ZC3H4: variants seen among roughly 807,000 people sequenced by gnomAD.
The protein encoded by ZC3H4 is zinc finger CCCH domain-containing protein 4.
Under a neutral mutation model 108.3 loss-of-function variants are expected in ZC3H4, and 13 were observed. The ratio of observed to expected loss-of-function variants is 0.12; its 90% CI spans 0.08 to 0.19. ZC3H4 has a LOEUF of 0.19. Among genes scored for constraint, ZC3H4 ranks in the 10% least tolerant of loss-of-function variants. The pLI is 1.00. For synonymous variants in ZC3H4, 917 were observed against 749.6 expected, an observed-to-expected ratio of 1.22 and a Z score of -3.65; for missense variants, 1,734 against 1,838.8, an observed-to-expected ratio of 0.94 and a Z score of 1.04.
At chr19:47,084,240 A>G (rs1201565425) in intron 9 of ZC3H4, 105 bp downstream of exon 9, 4 of 1,061,652 alleles carry the variant, frequency 3.8e-6, no homozygotes, top group Non-Finnish European at 5.7e-6. Flanking sequence ...AGGACTACAC[A>G]GTCACTCCCA....
Position 47,065,352 on chromosome 19 carries a change from CAG to C in ZC3H4, c.*1002_*1003del, listed in dbSNP as rs1381621950. The stretch of plus-strand genomic sequence containing the variant: ...ACAGTGTAAGGAGGTGCGAGGAAAA[CAG>C]AGAACACTTGGCCAGGAGCCACCCC... On this transcript the variant is annotated 3_prime_UTR_variant, in exon 15 of 15. Transcript: ENST00000253048. 2.0e-5 allele frequency: 3 copies of C among 152,796 alleles called. No homozygotes were observed. The highest frequency in any genetic ancestry group is 1.9e-4 in the East Asian group (1 of 5,202). 9.5% of individuals were successfully genotyped at this position (152,796 alleles called of 1,614,324 possible).
At chr19:47,086,914 T>C (rs2057638941) in intron 5 of ZC3H4, among the ~76,000 whole-genome samples, 1 of 152,076 alleles carries the variant, frequency 6.6e-6, no homozygotes, top group South Asian at 2.1e-4. Context: ...AAGCTAGCCC[T>C]GTAGTTTGGA....
At position 47,094,425 on chromosome 19, in the gene ZC3H4, T is replaced by G; in HGVS notation, c.345A>C (p.Lys115Asn). The G allele has an allele frequency of 6.2e-7, 1 of 1,614,160 alleles. No homozygotes were observed. The change falls in exon 3 of 15, where the codon AAA becomes AAC. Residue 115 changes from lysine to asparagine, a missense_variant. Lys to Asn is a moderately conservative substitution (Grantham distance 94). Transcript: ENST00000253048. ...ATTTCCTCCTCTTCTTCGACCTCCT[T>G]TTCTCTTTCTCCCGCTCTTTCTTCC... ...RKRKKEREKE[K>N]RRSKKRRKSK...
chr19:47,072,245 G>C lies in ZC3H4; in HGVS notation c.1802+107C>G. 7 of 1,398,036 alleles carry C rather than the reference G, an allele frequency of 5.0e-6. 1 individual carries two copies. In the South Asian group the frequency reaches 5.4e-5, roughly 11 times the overall value. The allele number at this position is 1,398,036 out of a possible 1,614,324, so 86.6% of individuals were successfully genotyped here. On this transcript the variant is annotated intron_variant, in intron 12 of 14. Transcript: ENST00000253048. The surrounding 1 kb of genome is among the most constrained non-coding windows in gnomAD (Gnocchi z 5.6). ...GCCCCAGACCAGGACTCCCACAGCT[G>C]GGGAGAGAGGCAGGACTCTCCCACA...
chr19:47,099,366 G>A (rs1473156432), intron 2 of ZC3H4, among the ~76,000 whole-genome samples: 2 of 151,940 alleles, frequency 1.3e-5, no homozygotes, highest in Non-Finnish European at 2.9e-5. Context: ...GGCTGAGGCA[G>A]GAGAATCACT....
At chr19:47,074,186 G>T (rs2057378565) in intron 11 of ZC3H4, among the ~76,000 whole-genome samples, 2 of 152,174 alleles carry the variant, frequency 1.3e-5, no homozygotes, top group South Asian at 4.1e-4. Flanking sequence ...TCACTCAACT[G>T]TTGAGGTCCC....
intron 9 of ZC3H4, 24 bp from the exon 10 acceptor site, chr19:47,082,319 T>A: frequency 6.4e-7 from 1 of 1,565,780 alleles, no homozygotes; most frequent in Non-Finnish European, 8.8e-7. Flanking sequence ...AACAAAAACA[T>A]AAGGTGGTGG....
Position 47,080,662 on chromosome 19 carries a change from A to AT in ZC3H4, c.1440+850dup, listed in dbSNP as rs67141668. Among the ~76,000 whole-genome samples, 929 of 141,884 alleles carry AT rather than the reference A, an allele frequency of 6.5e-3. 4 individuals are homozygous for AT. Among genetic ancestry groups the AT allele is most frequent in the South Asian group, 0.033 (150 of 4,524 alleles). The allele number at this position is 141,884 out of a possible 152,430, so 93.1% of individuals were successfully genotyped here. On this transcript the variant is annotated intron_variant, in intron 11 of 14. Coordinates refer to ENST00000253048, the MANE Select transcript of ZC3H4 (RefSeq NM_015168.2). ...AGGCATGTGCCACAATACCTGGCTA[A>AT]TTTTTTTTTTTTTTTTGAGACACAG...
intron 4 of ZC3H4, 141 bp from the exon 5 acceptor site, chr19:47,090,330 C>T: frequency 2.3e-6 from 2 of 884,474 alleles, no homozygotes; most frequent in Non-Finnish European, 3.5e-6. Flanking sequence ...TGGTCTCCAG[C>T]CCCTCTGGGG....
chr19:47,099,113 G>A (rs1262073907), intron 2 of ZC3H4, among the ~76,000 whole-genome samples: 3 of 152,166 alleles, frequency 2.0e-5, no homozygotes, highest in Non-Finnish European at 4.4e-5. Context: ...ATCTCTCCAC[G>A]GAAAGCCCTA....
chr19:47,096,341 G>A (rs115368887), intron 2 of ZC3H4, among the ~76,000 whole-genome samples: 1,818 of 152,354 alleles, frequency 0.012, 42 homozygotes, highest in African/African-American at 0.042. Context: ...GGAATGGGGC[G>A]GGGGTGCAGG....
intron 2 of ZC3H4, among the ~76,000 whole-genome samples, chr19:47,104,519 A>T (rs1024584935): frequency 1.3e-5 from 2 of 152,202 alleles, no homozygotes; most frequent in East Asian, 3.9e-4. Flanking sequence ...CAGCTCTCAT[A>T]CCCTTTTGGT....
At chr19:47,082,052 G>T (rs2057534190) in intron 10 of ZC3H4, 132 bp downstream of exon 10, 1 of 790,550 alleles carries the variant, frequency 1.3e-6, no homozygotes, top group Non-Finnish European at 2.2e-6. Flanking sequence ...TGTTAAATGA[G>T]ATGGAGACTC....
In ZC3H4 at chr19:47,092,053, A is replaced by G. The variant is rs142470822; in HGVS notation, c.493-1864T>C. Among the ~76,000 whole-genome samples the G allele has an allele frequency of 2.0e-5, 3 of 152,098 alleles. No individual in the cohort carries two copies. In the East Asian group the frequency reaches 5.8e-4, roughly 29 times the overall value. ...TTGAAACCCCATCTCTACCAAAAGT[A>G]CAAAAATTAGCCTTGGCGTTATGGC... On this transcript the variant is annotated intron_variant, in intron 4 of 14. Transcript: ENST00000253048.
intron 1 of ZC3H4, among the ~76,000 whole-genome samples, 152 bp from the exon 2 acceptor site, chr19:47,112,741 A>G (rs1000892307): frequency 6.6e-6 from 1 of 152,134 alleles, no homozygotes; most frequent in Non-Finnish European, 1.5e-5. Flanking sequence ...CGTAGGCCGC[A>G]CGGCCTAGGC....
At chr19:47,092,713 A>G (rs2057755385) in intron 4 of ZC3H4, among the ~76,000 whole-genome samples, 1 of 152,120 alleles carries the variant, frequency 6.6e-6, no homozygotes, top group Non-Finnish European at 1.5e-5. Context: ...GCTACTCGGG[A>G]GGCTGAGACA....
intron 2 of ZC3H4, chr19:47,096,747 C>T (rs2057827592): frequency 1.1e-6 from 1 of 950,962 alleles, no homozygotes; most frequent in African/African-American, 1.8e-5. Context: ...GGGACATGAT[C>T]ACCACCCAGG....
In ZC3H4 at chr19:47,094,010, C is replaced by T. The variant is rs1452836604; in HGVS notation, c.452G>A (p.Gly151Asp). 1 of 1,614,170 alleles carries T rather than the reference C, an allele frequency of 6.2e-7. No individual in the cohort carries two copies. The highest frequency in any genetic ancestry group is 1.1e-5 in the South Asian group (1 of 91,088). The change falls in exon 4 of 15, where the codon GGT becomes GAT. Residue 151 changes from glycine to aspartate, a missense_variant. Gly to Asp is a moderately conservative substitution (Grantham distance 94). Around this residue, in one of 9 missense-constraint regions of ZC3H4, gnomAD observed 403 missense variants for 457.0 expected, o/e 0.88. Transcript: ENST00000253048. ...GCTGTACTCTCTGTACTTGCGGTGA[C>T]CTTTCTCACTGGGGCTGAAATCCGA... ...DDSDFSPSEK[G>D]HRKYREYSPP...
In ZC3H4 at chr19:47,066,992, G is replaced by A. The variant is rs1463012599; in HGVS notation, c.3276C>T (p.Ser1092=). Residue 1092 remains serine, a synonymous_variant, in exon 15 of 15, where the codon TCC becomes TCT. Coordinates refer to ENST00000253048, the MANE Select transcript of ZC3H4 (RefSeq NM_015168.2). ...CAGCAGGGCCGGGCTTGGCAGCCCG[G>A]GAGGAGGCCGTAGAGTCTGTGGGTT... ...LQKPTDSTAS[S]RAAKPGPAEA... The A allele has an allele frequency of 6.3e-7, 1 of 1,589,592 alleles. No homozygotes were observed. The highest frequency in any genetic ancestry group is 8.6e-7 in the Non-Finnish European group (1 of 1,167,962).
Sources: allele counts gnomAD v4.1 joint callset (sites outside exome capture counted in the v4.1 genomes callset), GRCh38; gene constraint gnomAD v4.1.1; regional missense constraint gnomAD v4.1.1; non-coding constraint Gnocchi (gnomAD v3.1); transcripts MANE v1.5; gene names NCBI Gene and HGNC (gene_info 2026-07-23, HGNC 2026-07-21).